MAP2K1: variants seen among roughly 807,000 people sequenced by gnomAD.
MAP2K1 encodes dual specificity mitogen-activated protein kinase kinase 1.
MAP2K1 carries 16 observed loss-of-function variants against 46.3 expected under a neutral mutation model. The ratio of observed to expected loss-of-function variants is 0.35; its 90% confidence interval spans 0.23 to 0.52. The LOEUF is 0.52. Ranked by LOEUF, MAP2K1 falls within the 20% of genes least tolerant of loss-of-function variation. The pLI is 0.94. For synonymous variants in MAP2K1, 183 were observed against 185.6 expected (o/e 0.99, Z 0.11); for missense variants, 263 against 497.1 (o/e 0.53, Z 4.48).
chr15:66,447,016 C>T (rs1298057383), intron 5 of MAP2K1, among the ~76,000 whole-genome samples: 3 of 152,154 alleles, frequency 2.0e-5, no homozygotes, highest in Non-Finnish European at 4.4e-5. Context: ...TGCTGTCGGC[C>T]ATGTCCCTTC....
chr15:66,487,246 G>A lies in MAP2K1; in HGVS notation c.914G>A (p.Arg305Gln), dbSNP rs1595887104. ...TTTGTAGCATACGGAATGGACAGCC[G>A]ACCTCCCATGGCAATTTTTGAGTTG... ...RPLSSYGMDS[R>Q]PPMAIFELLD... Residue 305 changes from arginine (R) to glutamine (Q), a missense_variant, in exon 8 of 11, where the codon CGA becomes CAA. By Grantham distance (43) the Arg-to-Gln change is conservative. Around this residue, in one of 4 missense-constraint regions of MAP2K1, gnomAD observed 118 missense variants for 193.0 expected, o/e 0.61. Transcript: ENST00000307102. 5 of 1,614,026 alleles carry A rather than the reference G, an allele frequency of 3.1e-6. No individual in the cohort carries two copies. Among genetic ancestry groups the A allele is most frequent in the Non-Finnish European group, 4.2e-6 (5 of 1,179,938 alleles).
intron 1 of MAP2K1, among the ~76,000 whole-genome samples, chr15:66,406,670 C>T (rs1427408804): frequency 2.0e-5 from 3 of 152,098 alleles, no homozygotes; most frequent in Non-Finnish European, 4.4e-5. Context: ...GGAATGGTGG[C>T]AAGGTATCCA....
Position 66,414,781 on chromosome 15 carries a change from CTTTT to C in MAP2K1, c.81-20234_81-20231del, listed in dbSNP as rs79790588. ...GGTATGGCCAGCCCCCATCCTGTGT[CTTTT>C]TTTTTTTTTTTCCCCCAGTCATCTT... On this transcript the variant is annotated intron_variant, in intron 1 of 10. Coordinates refer to ENST00000307102, the MANE Select transcript of MAP2K1 (RefSeq NM_002755.4). Among the ~76,000 whole-genome samples, 3 of 141,552 alleles carry C rather than the reference CTTTT, an allele frequency of 2.1e-5. No homozygotes were observed. The East Asian group carries it at 6.1e-4, about 29-fold the overall frequency. The allele number at this position is 141,552 out of a possible 152,430, so 92.9% of individuals were successfully genotyped here.
At chr15:66,430,280 C>T (rs1420584489) in intron 1 of MAP2K1, among the ~76,000 whole-genome samples, 2 of 152,148 alleles carry the variant, frequency 1.3e-5, no homozygotes, top group Admixed American at 6.5e-5. Flanking sequence ...AACTTTACAA[C>T]TCCCTGGGCT....
chr15:66,453,091 T>C (rs1892078711), intron 5 of MAP2K1, among the ~76,000 whole-genome samples: 1 of 152,218 alleles, frequency 6.6e-6, no homozygotes, highest in East Asian at 1.9e-4. Context: ...ACAGTGTTTC[T>C]TTCTAGTCCT....
intron 3 of MAP2K1, among the ~76,000 whole-genome samples, chr15:66,440,390 C>T (rs1366255739): frequency 1.3e-5 from 2 of 152,180 alleles, no homozygotes; most frequent in Non-Finnish European, 2.9e-5. Context: ...CCACGCCTGG[C>T]CCTGGGAATG....
At chr15:66,427,872 G>C (rs113746304) in intron 1 of MAP2K1, among the ~76,000 whole-genome samples, 102 of 152,072 alleles carry the variant, frequency 6.7e-4, no homozygotes, top group Middle Eastern at 3.4e-3. Flanking sequence ...AAATTAGCCG[G>C]GCGTGGTGGC....
intron 5 of MAP2K1, among the ~76,000 whole-genome samples, chr15:66,455,106 T>C (rs1017857900): frequency 1.3e-5 from 2 of 152,146 alleles, no homozygotes; most frequent in African/African-American, 4.8e-5. Flanking sequence ...ATGGGCTCAG[T>C]GATCTCCCAG....
At chr15:66,440,078 G>A (rs904111542) in intron 3 of MAP2K1, among the ~76,000 whole-genome samples, 29 of 150,288 alleles carry the variant, frequency 1.9e-4, no homozygotes, top group African/African-American at 4.5e-4. Flanking sequence ...TTTGGGGGGC[G>A]CGTGGGGTTC....
intron 5 of MAP2K1, among the ~76,000 whole-genome samples, chr15:66,458,885 T>G (rs1892239924): frequency 6.6e-6 from 1 of 152,112 alleles, no homozygotes; most frequent in Non-Finnish European, 1.5e-5. Flanking sequence ...AGAGCCATAG[T>G]AGCTTATTAT....
At chr15:66,464,674 C>T (rs112156518) in intron 5 of MAP2K1, among the ~76,000 whole-genome samples, 27,134 of 151,460 alleles carry the variant, frequency 0.18, 3,094 homozygotes, top group Middle Eastern at 0.29. Context: ...TACAGGCATG[C>T]GCCACCATGA....
At chr15:66,478,406 ATATATATACACACAGG>A (rs1484693747) in intron 5 of MAP2K1, among the ~76,000 whole-genome samples, 12 of 94,026 alleles carry the variant, frequency 1.3e-4, no homozygotes, top group Admixed American at 3.2e-4. Context: ...GTGTGTATAT[ATATATATACACACAGG>A]TATATATATA....
At chr15:66,489,664 T>G in intron 9 of MAP2K1, 54 bp from the exon 10 acceptor site, 3 of 1,358,108 alleles carry the variant, frequency 2.2e-6, no homozygotes, top group Non-Finnish European at 2.1e-6. Flanking sequence ...ACATGTTATT[T>G]GAGCTAGAAC....
chr15:66,433,169 AGT>A (rs1252134444), intron 1 of MAP2K1, among the ~76,000 whole-genome samples: 1 of 152,122 alleles, frequency 6.6e-6, no homozygotes, highest in Non-Finnish European at 1.5e-5. Context: ...GAAACCAGAG[AGT>A]GTGCACTGTG....
At position 66,415,459 on chromosome 15, in the gene MAP2K1, C is replaced by T. The variant is rs147981089; in HGVS notation, c.81-19568C>T. Among the ~76,000 whole-genome samples, 1,174 of 152,328 alleles carry T rather than the reference C, an allele frequency of 7.7e-3. 8 individuals are homozygous for T. Among genetic ancestry groups the T allele is most frequent in the Non-Finnish European group, 0.013 (858 of 68,034 alleles). ...CTTTGTGATGTGGTAAGTCAGATCC[C>T]TCTGGATGCCCAGCCAGAAACCTGG... On this transcript the variant is annotated intron_variant, in intron 1 of 10. Coordinates refer to ENST00000307102, the MANE Select transcript of MAP2K1 (RefSeq NM_002755.4).
intron 3 of MAP2K1, among the ~76,000 whole-genome samples, chr15:66,441,145 T>C (rs1333491571): frequency 6.6e-6 from 1 of 152,080 alleles, no homozygotes; most frequent in African/African-American, 2.4e-5. Flanking sequence ...TTATTTTTTG[T>C]AGAGATGGAG....
intron 1 of MAP2K1, among the ~76,000 whole-genome samples, chr15:66,417,058 A>G (rs1241887606): frequency 6.6e-6 from 1 of 152,166 alleles, no homozygotes; most frequent in African/African-American, 2.4e-5. Flanking sequence ...CTGGTTCTCT[A>G]GTAGGACCAG....
intron 1 of MAP2K1, among the ~76,000 whole-genome samples, chr15:66,430,924 C>G (rs894686186): frequency 6.6e-6 from 1 of 152,196 alleles, no homozygotes; most frequent in African/African-American, 2.4e-5. Context: ...CTCTGCATTC[C>G]CATTCAAACC....
chr15:66,418,718 A>G (rs2093430172), intron 1 of MAP2K1, among the ~76,000 whole-genome samples: 1 of 151,242 alleles, frequency 6.6e-6, no homozygotes, highest in Non-Finnish European at 1.5e-5. Context: ...GCTGGAGTGC[A>G]GTGGCGGGAT....
Sources: allele counts gnomAD v4.1 joint callset (sites outside exome capture counted in the v4.1 genomes callset), GRCh38; gene constraint gnomAD v4.1.1; regional missense constraint gnomAD v4.1.1; transcripts MANE v1.5; gene names NCBI Gene and HGNC (gene_info 2026-07-23, HGNC 2026-07-21).